The following MALRD1 variants were observed in gnomAD, a reference collection of about 807,000 sequenced individuals.
MALRD1 encodes MAM and LDL receptor class A domain containing 1.
A neutral mutation model predicts 242.1 loss-of-function variants in MALRD1; 247 were observed. That is an observed-to-expected ratio of 1.02 (90% confidence interval 0.92 to 1.13). The LOEUF (loss-of-function observed/expected upper bound fraction) is 1.13. MALRD1 is among the 50% of genes most tolerant of loss of function. MALRD1 has a pLI of 0.00. For missense variants in MALRD1, 2,989 were observed against 2,533.1 expected, an observed-to-expected ratio of 1.18 and a Z score of -3.86; for synonymous variants, 995 against 866.6, an observed-to-expected ratio of 1.15 and a Z score of -2.60.
intron 29 of MALRD1, among the ~76,000 whole-genome samples, chr10:19,460,651 A>G (rs1057263498): frequency 6.6e-6 from 1 of 152,160 alleles, no homozygotes; most frequent in Non-Finnish European, 1.5e-5. Flanking sequence ...ATTCCTAGTA[A>G]ATAGAGGAAC....
intron 29 of MALRD1, among the ~76,000 whole-genome samples, chr10:19,465,685 A>C (rs1365941270): frequency 6.6e-6 from 1 of 152,170 alleles, no homozygotes; most frequent in East Asian, 1.9e-4. Context: ...TGCATGTGCC[A>C]GCACATCCAG....
intron 2 of MALRD1, among the ~76,000 whole-genome samples, chr10:19,077,516 T>C (rs1425914188): frequency 6.6e-6 from 1 of 151,898 alleles, no homozygotes; most frequent in Non-Finnish European, 1.5e-5. Context: ...AAGGGTGCCC[T>C]GATTCAAGAG....
intron 5 of MALRD1, among the ~76,000 whole-genome samples, chr10:19,119,462 G>T (rs1261517740): frequency 6.6e-6 from 1 of 152,114 alleles, no homozygotes; most frequent in African/African-American, 2.4e-5. Context: ...AACTTGGTGG[G>T]TTGGGGGAAG....
chr10:19,208,057 G>A (rs1360637498), intron 17 of MALRD1, among the ~76,000 whole-genome samples: 1 of 148,910 alleles, frequency 6.7e-6, no homozygotes, highest in Non-Finnish European at 1.5e-5. Context: ...TGTATGAATT[G>A]CTTATTTCAG....
At position 19,455,591 on chromosome 10, in the gene MALRD1, A is replaced by T. The variant is rs548671439; in HGVS notation, c.5029+5101A>T. Among the ~76,000 whole-genome samples the T allele has an allele frequency of 9.2e-5, 14 of 152,336 alleles. No homozygotes were observed. The South Asian group carries it at 2.7e-3, about 29-fold the overall frequency. ...TTATGAGGATTAAATTATTAACTCT[A>T]TACAAGGTACTTTGAAAAACACATG... On this transcript the variant is annotated intron_variant, in intron 29 of 39. Coordinates refer to ENST00000454679, the MANE Select transcript of MALRD1 (RefSeq NM_001142308.3).
chr10:19,112,951 CT>C (rs373476747), intron 5 of MALRD1, among the ~76,000 whole-genome samples: 44 of 152,182 alleles, frequency 2.9e-4, no homozygotes, highest in African/African-American at 1.0e-3. Flanking sequence ...ATATTCTTCT[CT>C]TTTTTTCACC....
chr10:19,494,613 C>G (rs1175105060), intron 30 of MALRD1, among the ~76,000 whole-genome samples: 4 of 151,980 alleles, frequency 2.6e-5, no homozygotes, highest in Non-Finnish European at 5.9e-5. Context: ...AAAAAACACA[C>G]TACAAGAATT....
intron 14 of MALRD1, among the ~76,000 whole-genome samples, chr10:19,181,258 TC>T: frequency 6.6e-6 from 1 of 152,280 alleles, no homozygotes; most frequent in African/African-American, 2.4e-5. Context: ...CTATCTGCAC[TC>T]CCATGTTCGC....
intron 26 of MALRD1, among the ~76,000 whole-genome samples, chr10:19,367,321 G>A (rs181008172): frequency 5.3e-5 from 8 of 152,020 alleles, no homozygotes; most frequent in East Asian, 3.9e-4. Context: ...ACTTCTAGGC[G>A]ATCAACTTTA....
intron 26 of MALRD1, among the ~76,000 whole-genome samples, chr10:19,362,373 T>C (rs1319294443): frequency 6.6e-6 from 1 of 152,140 alleles, no homozygotes; most frequent in East Asian, 1.9e-4. Flanking sequence ...GTTCCTCTAA[T>C]GGTAACATAC....
intron 1 of MALRD1, chr10:19,052,094 G>A (rs1834525247): frequency 2.2e-6 from 1 of 449,252 alleles, no homozygotes; most frequent in Admixed American, 2.7e-5. Flanking sequence ...CCATGTCAGG[G>A]CTAGCAAAAT....
chr10:19,311,984 G>C (rs1329196427), intron 21 of MALRD1, among the ~76,000 whole-genome samples: 1 of 151,340 alleles, frequency 6.6e-6, no homozygotes, highest in Non-Finnish European at 1.5e-5. Context: ...TATATATTCA[G>C]AATTTAGATT....
intron 18 of MALRD1, among the ~76,000 whole-genome samples, chr10:19,236,951 G>A (rs1484333791): frequency 2.6e-5 from 4 of 151,922 alleles, no homozygotes; most frequent in African/African-American, 7.2e-5. Context: ...CTTTGCATTG[G>A]TGGTTGAGAA....
rs2131614677 is a variant in MALRD1 at position 19,203,865 on chromosome 10, C to T, written c.2089C>T (p.Leu697Phe). ...EHQAPPRDHS[L>F]NASQGHFMFI... ...CCAGGCTCCACCTCGGGATCATAGT[C>T]TCAACGCATCTCAAGGTAAGAAGCA... Residue 697 changes from leucine to phenylalanine, a missense_variant, in exon 15 of 40, where the codon CTC becomes TTC. Leu to Phe is a conservative substitution (Grantham distance 22). Coordinates refer to ENST00000454679, the MANE Select transcript of MALRD1 (RefSeq NM_001142308.3). 6.4e-7 allele frequency: 1 copy of T among 1,550,448 alleles called. No individual in the cohort carries two copies. The highest frequency in any genetic ancestry group is 2.4e-5 in the East Asian group (1 of 40,912).
At chr10:19,692,992 G>A (rs1303922322) in intron 38 of MALRD1, among the ~76,000 whole-genome samples, 2 of 151,342 alleles carry the variant, frequency 1.3e-5, no homozygotes, top group Non-Finnish European at 2.9e-5. Flanking sequence ...TATCTCAATA[G>A]ATACAGAAAA....
At chr10:19,269,228 G>T (rs183894232) in intron 19 of MALRD1, among the ~76,000 whole-genome samples, 1 of 152,170 alleles carries the variant, frequency 6.6e-6, no homozygotes, top group East Asian at 1.9e-4. Flanking sequence ...CATTGAGATG[G>T]TATTTGGAAG....
At chr10:19,396,725 T>A (rs1166715693) in intron 28 of MALRD1, among the ~76,000 whole-genome samples, 2 of 152,162 alleles carry the variant, frequency 1.3e-5, no homozygotes, top group South Asian at 2.1e-4. Context: ...TCTGAAGTCA[T>A]AAAAATCAGA....
chr10:19,080,287 C>T (rs955598070), intron 2 of MALRD1, among the ~76,000 whole-genome samples: 1 of 151,852 alleles, frequency 6.6e-6, no homozygotes, highest in African/African-American at 2.4e-5. Context: ...TAGTATATAA[C>T]CCAAAAGAGG....
At chr10:19,288,087 A>T (rs1371699199) in intron 21 of MALRD1, among the ~76,000 whole-genome samples, 1 of 150,954 alleles carries the variant, frequency 6.6e-6, no homozygotes, top group East Asian at 1.9e-4. Flanking sequence ...AGTTTTAATT[A>T]TTTTTCTTTT....
Sources: gnomAD v4.1 joint callset for allele counts (sites outside exome capture counted in the v4.1 genomes callset) on GRCh38, gnomAD v4.1.1 for gene constraint, MANE v1.5 for transcripts, NCBI Gene and HGNC (gene_info 2026-07-23, HGNC 2026-07-21) for gene names.